The following PRKAG2 variants were observed in gnomAD, a reference collection of about 807,000 sequenced individuals.
PRKAG2 encodes the protein 5'-AMP-activated protein kinase subunit gamma-2.
A neutral mutation model predicts 69.6 loss-of-function variants in PRKAG2; 26 were observed. The observed-to-expected ratio is 0.37, with a 90% CI of 0.27 to 0.52. The LOEUF is 0.52. PRKAG2 is among the 20% of genes least tolerant of loss of function. The pLI is 0.90. For synonymous variants in PRKAG2, 293 were observed against 285.0 expected (o/e 1.03, Z -0.28); for missense variants, 557 against 740.0 (o/e 0.75, Z 2.87).
intron 1 of PRKAG2, chr7:151,790,441 T>A (rs2077220706): frequency 6.6e-6 from 1 of 152,270 alleles, no homozygotes; most frequent in Non-Finnish European, 1.5e-5. Context: ...TACTCATCTA[T>A]CAGTTTATTT....
At chr7:151,834,238 T>A (rs1035582805) in intron 1 of PRKAG2, among the ~76,000 whole-genome samples, 1 of 152,170 alleles carries the variant, frequency 6.6e-6, no homozygotes, top group African/African-American at 2.4e-5. Flanking sequence ...TCATGATTTG[T>A]CTTAAACTGA....
intron 5 of PRKAG2, among the ~76,000 whole-genome samples, chr7:151,627,568 G>A (rs1192266343): frequency 6.6e-6 from 1 of 152,182 alleles, no homozygotes; most frequent in South Asian, 2.1e-4. Context: ...AGAGGTTGCC[G>A]TGAACCGAGA....
intron 3 of PRKAG2, among the ~76,000 whole-genome samples, chr7:151,776,550 T>C (rs2076358957): frequency 6.6e-6 from 1 of 152,222 alleles, no homozygotes; most frequent in South Asian, 2.1e-4. Context: ...CCTGACTCCC[T>C]GTGTCCCAAG....
At chr7:151,690,754 T>C (rs1470504286) in intron 3 of PRKAG2, among the ~76,000 whole-genome samples, 3 of 152,234 alleles carry the variant, frequency 2.0e-5, no homozygotes, top group Non-Finnish European at 4.4e-5. Flanking sequence ...GCTCATCTTC[T>C]GTGAAGCCCT....
chr7:151,832,767 A>C (rs1224982761), intron 1 of PRKAG2, among the ~76,000 whole-genome samples: 2 of 152,096 alleles, frequency 1.3e-5, no homozygotes, highest in African/African-American at 4.8e-5. Context: ...TCTGAGGCCC[A>C]TCCTCAGACC....
In PRKAG2 at chr7:151,876,922, T is replaced by C; in HGVS notation, c.-302A>G. 1 of 485,488 alleles carries C rather than the reference T, an allele frequency of 2.1e-6. No individual in the cohort carries two copies. The highest frequency in any genetic ancestry group is 2.2e-5 in the South Asian group (1 of 45,636). The allele number at this position is 485,488 out of a possible 1,614,324, so 30.1% of individuals were successfully genotyped here. A position where few individuals can be genotyped will look rare whatever the true frequency, so the allele number is the denominator to read the frequency against. On this transcript the variant is annotated 5_prime_UTR_variant, in exon 1 of 16. Transcript: ENST00000287878. ...GAGGTCTCCCGCTGGGTGACAAAGT[T>C]TTCTTCCTTTTGCAAAGCTAAGAAA...
intron 3 of PRKAG2, chr7:151,734,198 A>C (rs1009638525): frequency 6.6e-5 from 10 of 152,168 alleles, no homozygotes; most frequent in African/African-American, 2.2e-4. Context: ...CTTCCAGGAG[A>C]GCTGCCCAAA....
In PRKAG2 at chr7:151,788,887, C is replaced by T. The variant is rs1156835097; in HGVS notation, c.115-2346G>A. Among the ~76,000 whole-genome samples, 1 of 152,194 alleles carries T rather than the reference C, an allele frequency of 6.6e-6. No individual in the cohort carries two copies. Among genetic ancestry groups the T allele is most frequent in the East Asian group, 1.9e-4 (1 of 5,202 alleles). On this transcript the variant is annotated intron_variant, in intron 1 of 15. Coordinates refer to ENST00000287878, the MANE Select transcript of PRKAG2 (RefSeq NM_016203.4). The surrounding 1 kb of genome is among the most constrained non-coding windows in gnomAD (Gnocchi z 4.6). ...ATGTAGATAGCCAGTTTTCCCAGCA[C>T]TATTTGTTGAAAAGATGGTCCTTTC...
intron 6 of PRKAG2, among the ~76,000 whole-genome samples, chr7:151,591,207 G>GAC (rs10664936): frequency 0.16 from 23,777 of 152,186 alleles, 1,991 homozygotes; most frequent in East Asian, 0.26. Flanking sequence ...CCCCTGCCTG[G>GAC]ACACATACTC....
chr7:151,833,790 T>C (rs1421221402), intron 1 of PRKAG2, among the ~76,000 whole-genome samples: 2 of 152,192 alleles, frequency 1.3e-5, no homozygotes, highest in Non-Finnish European at 2.9e-5. Flanking sequence ...AAATAAGTCC[T>C]TAATGAGGAA....
intron 4 of PRKAG2, among the ~76,000 whole-genome samples, chr7:151,666,283 C>T (rs891144404): frequency 2.2e-4 from 34 of 152,274 alleles, no homozygotes; most frequent in African/African-American, 7.9e-4. Flanking sequence ...TAAGTGAGGC[C>T]ATAGGGTAGG....
chr7:151,830,527 C>T (rs949834102), intron 1 of PRKAG2, among the ~76,000 whole-genome samples: 6 of 151,922 alleles, frequency 3.9e-5, no homozygotes, highest in Non-Finnish European at 5.9e-5. Flanking sequence ...GACTGGGGGA[C>T]GGAAACTCTG....
At chr7:151,701,047 C>T (rs6948449) in intron 3 of PRKAG2, among the ~76,000 whole-genome samples, 30,933 of 152,194 alleles carry the variant, frequency 0.2, 4,061 homozygotes, top group Non-Finnish European at 0.29. Context: ...GACGCCTGTC[C>T]TCTCCTCCCC....
chr7:151,604,645 TACACAC>T (rs1369447344), intron 5 of PRKAG2, among the ~76,000 whole-genome samples: 139 of 151,588 alleles, frequency 9.2e-4, no homozygotes, highest in Non-Finnish European at 1.4e-3. Flanking sequence ...CACACACACA[TACACAC>T]ACACATACAC....
chr7:151,579,922 T>C (rs1809938491), intron 6 of PRKAG2, among the ~76,000 whole-genome samples: 1 of 152,124 alleles, frequency 6.6e-6, no homozygotes, highest in African/African-American at 2.4e-5. Context: ...GATGCTAAAA[T>C]AAAAAACCTG....
In PRKAG2 at chr7:151,777,460, G is replaced by A. The variant is rs1420028344; in HGVS notation, c.466+3692C>T. Among the ~76,000 whole-genome samples the A allele has an allele frequency of 6.6e-6, 1 of 152,176 alleles. No individual in the cohort carries two copies. Among genetic ancestry groups the A allele is most frequent in the Non-Finnish European group, 1.5e-5 (1 of 67,998 alleles). ...CAGATGCCTCATGAATGGCTGGGTT[G>A]CCTCCCTGCGGCAGTGAGTCCTGCT... On this transcript the variant is annotated intron_variant, in intron 3 of 15. Transcript: ENST00000287878. The surrounding 1 kb of genome is among the most constrained non-coding windows in gnomAD (Gnocchi z 4.3).
chr7:151,727,945 A>G (rs529376776), intron 3 of PRKAG2, among the ~76,000 whole-genome samples: 3 of 152,260 alleles, frequency 2.0e-5, no homozygotes, highest in African/African-American at 7.2e-5. Flanking sequence ...TCCTGCAGTC[A>G]TGCTCTTAGC....
At chr7:151,694,730 T>C (rs1836303177) in intron 3 of PRKAG2, among the ~76,000 whole-genome samples, 1 of 152,248 alleles carries the variant, frequency 6.6e-6, no homozygotes, top group African/African-American at 2.4e-5. Flanking sequence ...TTGCTATTGC[T>C]CTGTGTCTCC....
At chr7:151,854,972 ACACACAC>A (rs1425364222) in intron 1 of PRKAG2, among the ~76,000 whole-genome samples, 3 of 33,890 alleles carry the variant, frequency 8.9e-5, no homozygotes, top group Non-Finnish European at 2.0e-4. Flanking sequence ...ACCACCCTCC[ACACACAC>A]CATGCTCCAC....
Sources: allele counts gnomAD v4.1 joint callset (sites outside exome capture counted in the v4.1 genomes callset), GRCh38; gene constraint gnomAD v4.1.1; non-coding constraint Gnocchi (gnomAD v3.1); transcripts MANE v1.5; gene names NCBI Gene and HGNC (gene_info 2026-07-23, HGNC 2026-07-21).